IL1B: variants seen among roughly 807,000 people sequenced by gnomAD.
IL1B encodes interleukin 1 beta.
A neutral mutation model predicts 26.2 loss-of-function variants in IL1B; 11 were observed. The observed-to-expected ratio is 0.42, with a 90% confidence interval of 0.26 to 0.70. The LOEUF (loss-of-function observed/expected upper bound fraction) is 0.70. Ranked by LOEUF, IL1B falls within the 30% of genes least tolerant of loss-of-function variation. The pLI is 0.25. For synonymous variants in IL1B, 118 were observed against 120.8 expected (o/e 0.98, Z 0.15); for missense variants, 255 against 327.5 (o/e 0.78, Z 1.71).
At chr2:112,830,617 A>C (rs766046674) in intron 6 of IL1B, 44 bp from the exon 7 acceptor site, 66 of 1,334,268 alleles carry the variant, frequency 4.9e-5, no homozygotes, top group Non-Finnish European at 6.7e-5. Flanking sequence ...GCAAGGGACA[A>C]AGATGCTATG....
At chr2:112,832,600 A>G in intron 5 of IL1B, 62 bp downstream of exon 5, 1 of 1,521,172 alleles carries the variant, frequency 6.6e-7, no homozygotes, top group Non-Finnish European at 9.1e-7. Flanking sequence ...CTTTGTTTAA[A>G]ACATGGAGAA....
chr2:112,833,232 T>G, intron 4 of IL1B, 142 bp downstream of exon 4: 1 of 775,906 alleles, frequency 1.3e-6, no homozygotes, highest in Non-Finnish European at 2.3e-6. Context: ...ATTGCTTTGG[T>G]TTCCAGCCTT....
chr2:112,830,795 G>C (rs1681970305), intron 6 of IL1B, among the ~76,000 whole-genome samples: 1 of 152,012 alleles, frequency 6.6e-6, no homozygotes, highest in Non-Finnish European at 1.5e-5. Context: ...CATAATGTAG[G>C]TGAGAATTTT....
chr2:112,836,044 T>C, intron 2 of IL1B, 139 bp downstream of exon 2: 2 of 755,802 alleles, frequency 2.6e-6, no homozygotes, highest in Admixed American at 4.0e-5. Flanking sequence ...AAGTAGTCTT[T>C]AAATCAGATT....
In IL1B at chr2:112,832,681, T is replaced by G; in HGVS notation, c.447A>C (p.Gly149=). 2 of 1,614,184 alleles carry G rather than the reference T, an allele frequency of 1.2e-6. No individual in the cohort carries two copies. The highest frequency in any genetic ancestry group is 1.7e-6 in the Non-Finnish European group (2 of 1,180,038). Residue 149 remains glycine, a synonymous_variant, in exon 5 of 7, where the codon GGA becomes GGC. Coordinates refer to ENST00000263341, the MANE Select transcript of IL1B (RefSeq NM_000576.3). ...PYELKALHLQ[G]QDMEQQVVFS... ...ATTTACCTTGTTGCTCCATATCCTG[T>G]CCCTGGAGGTGGAGAGCTTTCAGTT...
At position 112,832,512 on chromosome 2, in the gene IL1B, C is replaced by T. The variant is rs1682005352; in HGVS notation, c.466+150G>A. 105 of 844,566 alleles carry T rather than the reference C, an allele frequency of 1.2e-4. No homozygotes were observed. In the South Asian group the frequency reaches 1.5e-3, roughly 12 times the overall value. The allele number at this position is 844,566 out of a possible 1,614,324, so 52.3% of individuals were successfully genotyped here. ...GCCAGTGCAATCAAATGTGCCATTTCTAGGACCAAAGTTTGTATATTCCTT... is the reference window on the plus strand; with the variant it reads ...GCCAGTGCAATCAAATGTGCCATTTTTAGGACCAAAGTTTGTATATTCCTT... On this transcript the variant is annotated intron_variant, in intron 5 of 6. Transcript: ENST00000263341.
rs1460246046 is a variant in IL1B, at chr2:112,835,650, G to A, written c.48-33C>T. The A allele has an allele frequency of 3.2e-6, 5 of 1,577,702 alleles. No homozygotes were observed. The African/African-American group carries it at 6.7e-5, about 21-fold the overall frequency. On this transcript the variant is annotated intron_variant, in intron 2 of 6. Coordinates refer to ENST00000263341, the MANE Select transcript of IL1B (RefSeq NM_000576.3). ...AAAAACAGGGACATGTCTCAATTAT[G>A]TCTTCTAAACAGGTTTATTTTTCCT... is the stretch of plus-strand genomic sequence containing the variant.
intron 1 of IL1B, 185 bp downstream of exon 1, chr2:112,836,523 G>T: frequency 2.6e-6 from 1 of 384,102 alleles, no homozygotes; most frequent in East Asian, 5.9e-5. Flanking sequence ...AATATTTCCC[G>T]AGTCATAAGC....
At chr2:112,836,387 G>A in intron 1 of IL1B, 143 bp from the exon 2 acceptor site, 1 of 684,830 alleles carries the variant, frequency 1.5e-6, no homozygotes, top group Non-Finnish European at 2.6e-6. Flanking sequence ...AGTCCTTTGG[G>A]TCTAGAGAAA....
intron 5 of IL1B, 78 bp downstream of exon 5, chr2:112,832,584 T>C: frequency 6.9e-7 from 1 of 1,445,844 alleles, no homozygotes; most frequent in Middle Eastern, 1.9e-4. Flanking sequence ...TTAAATTAAC[T>C]TTCTACTTTG....
chr2:112,834,844 G>A (rs1425844059), intron 3 of IL1B, among the ~76,000 whole-genome samples: 1 of 152,210 alleles, frequency 6.6e-6, no homozygotes, highest in African/African-American at 2.4e-5. Context: ...GAAGGCTACT[G>A]AGCATCATAT....
At chr2:112,832,954 G>A in intron 4 of IL1B, 128 bp from the exon 5 acceptor site, 1 of 869,104 alleles carries the variant, frequency 1.2e-6, no homozygotes, top group Non-Finnish European at 1.9e-6. Context: ...GACAACACCA[G>A]TAGGGATGAA....
chr2:112,830,366 A>G lies in IL1B; in HGVS notation c.805T>C (p.Ser269Pro), dbSNP rs1402217510. 12 of 1,613,588 alleles carry G rather than the reference A, an allele frequency of 7.4e-6. 1 individual carries two copies. The highest frequency in any genetic ancestry group is 1.0e-5 in the Non-Finnish European group (12 of 1,179,634). The change falls in exon 7 of 7, where the codon TCC (serine) becomes CCC (proline). Residue 269 changes from serine (S) to proline (P), a missense_variant. By Grantham distance (74) the Ser-to-Pro change is moderately conservative (BLOSUM62 -1). Coordinates refer to ENST00000263341, the MANE Select transcript of IL1B (RefSeq NM_000576.3). The part of the protein sequence containing the change: ...ITDFTMQFVS[S>P] ...CTCTCTGGGTACAGCTCTCTTTAGG[A>G]AGACACAAATTGCATGGTGAAGTCA...
chr2:112,836,566 T>G, intron 1 of IL1B, 142 bp downstream of exon 1: 1 of 304,032 alleles, frequency 3.3e-6, no homozygotes. Context: ...TGCAAAAAGC[T>G]GAGAGAGGGA....
At chr2:112,830,767 G>C (rs1681969615) in intron 6 of IL1B, among the ~76,000 whole-genome samples, 194 bp from the exon 7 acceptor site, 2 of 152,124 alleles carry the variant, frequency 1.3e-5, no homozygotes, top group South Asian at 4.2e-4. Context: ...CTAAAACTTA[G>C]TGCCAAATGC....
chr2:112,832,803 C>T lies in IL1B; in HGVS notation c.325G>A (p.Asp109Asn), dbSNP rs773330409. 6.2e-7 allele frequency: 1 copy of T among 1,614,158 alleles called. No homozygotes were observed. The highest frequency in any genetic ancestry group is 8.5e-7 in the Non-Finnish European group (1 of 1,180,014). The change falls in exon 5 of 7, where the codon GAT (aspartate) becomes AAT (asparagine). Residue 109 changes from aspartate to asparagine, a missense_variant. Asp to Asn is a conservative substitution (Grantham distance 23). Transcript: ENST00000263341. ...GCATCGTGCACATAAGCCTCGTTAT[C>T]CCATGTGTCGAAGAAGATAGGTTCT... ...EEEPIFFDTWDNEAYVHDAPV... is the reference protein window; with the variant it reads ...EEEPIFFDTWNNEAYVHDAPV...
chr2:112,833,403 C>G lies in IL1B; in HGVS notation c.272G>C (p.Ser91Thr), dbSNP rs903317448. The G allele has an allele frequency of 6.2e-7, 1 of 1,614,190 alleles. No individual in the cohort carries two copies. ...CPQTFQENDLSTFFPFIFEEE... is the reference protein window; with the variant it reads ...CPQTFQENDLTTFFPFIFEEE... ...TTCAAAGATGAAGGGAAAGAAGGTG[C>G]TCAGGTCATTCTCCTGGAAGGTCTG... The change falls in exon 4 of 7, where the codon AGC becomes ACC. Residue 91 changes from serine (S) to threonine (T), a missense_variant. Physicochemically the swap from Ser to Thr is moderately conservative, Grantham distance 58. Transcript: ENST00000263341.
intron 4 of IL1B, 27 bp from the exon 5 acceptor site, chr2:112,832,853 G>A (rs1285352498): frequency 3.7e-6 from 6 of 1,613,852 alleles, no homozygotes; most frequent in Non-Finnish European, 5.1e-6. Context: ...ATGTTGTTTA[G>A]GTATAAAATC....
chr2:112,830,169 G>A lies in IL1B; in HGVS notation c.*192C>T. The A allele has an allele frequency of 1.7e-6, 1 of 593,038 alleles. No individual in the cohort carries two copies. The allele number at this position is 593,038 out of a possible 1,614,324, so 36.7% of individuals were successfully genotyped here. A position where few individuals can be genotyped will look rare whatever the true frequency, so the allele number is the denominator to read the frequency against. On this transcript the variant is annotated 3_prime_UTR_variant, in exon 7 of 7. Coordinates refer to ENST00000263341, the MANE Select transcript of IL1B (RefSeq NM_000576.3). ...AAGGGCTGGGGATTGGCCCTGAAAG[G>A]AGAGAGCTGACTGTCCTGGCTGATG...
Sources: allele counts gnomAD v4.1 joint callset (sites outside exome capture counted in the v4.1 genomes callset), GRCh38; gene constraint gnomAD v4.1.1; transcripts MANE v1.5; gene names NCBI Gene and HGNC (gene_info 2026-07-23, HGNC 2026-07-21).